Variants in BCR observed in about 807,000 individuals in gnomAD.
The protein encoded by BCR is BCR activator of RhoGEF and GTPase.
A neutral mutation model predicts 138.6 loss-of-function variants in BCR; 58 were observed. The observed-to-expected ratio is 0.42, with a 90% confidence interval of 0.34 to 0.52. The LOEUF (loss-of-function observed/expected upper bound fraction) is 0.52. Among genes scored for constraint, BCR ranks in the 20% least tolerant of loss-of-function variants. The probability of loss-of-function intolerance (pLI) is 0.06; values close to 1 mark genes in which losing one functional copy is unlikely to be tolerated. For synonymous variants in BCR, 786 were observed against 730.1 expected, an observed-to-expected ratio of 1.08 and a Z score of -1.23; for missense variants, 1,599 against 1,727.2, an observed-to-expected ratio of 0.93 and a Z score of 1.32.
Position 23,261,362 on chromosome 22 carries a change from A to G in BCR, c.1574A>G (p.Lys525Arg). Reference protein sequence around the residue: ...SHLEALLLPMKPLKAAATTSQ... With the variant: ...SHLEALLLPMRPLKAAATTSQ... ...ACTTGTGCCCTCTTCCAGCCCATGA[A>G]GCCTTTGAAAGCCGCTGCCACCACC... The change falls in exon 4 of 23, where the codon AAG becomes AGG. Residue 525 changes from lysine (K) to arginine (R), a missense_variant. Physicochemically the swap from Lys to Arg is conservative, Grantham distance 26. Transcript: ENST00000305877. 1.9e-6 allele frequency: 3 copies of G among 1,612,104 alleles called. No individual in the cohort carries two copies. The highest frequency in any genetic ancestry group is 2.5e-6 in the Non-Finnish European group (3 of 1,179,088).
intron 13 of BCR, 70 bp downstream of exon 13, chr22:23,289,691 C>G (rs750520313): frequency 7.5e-7 from 1 of 1,338,092 alleles, no homozygotes; most frequent in East Asian, 2.3e-5. Context: ...AGGCTGATCC[C>G]CCCTTCCTGT....
Position 23,183,625 on chromosome 22 carries a change from G to T in BCR, c.1279+1386G>T, listed in dbSNP as rs75320399. Among the ~76,000 whole-genome samples the T allele has an allele frequency of 1.8e-4, 27 of 152,354 alleles. No homozygotes were observed. The East Asian group carries it at 4.4e-3, about 25-fold the overall frequency. On this transcript the variant is annotated intron_variant, in intron 1 of 22. Transcript: ENST00000305877. ...CAGCTCGTTCGGGGTCTGGAGGATTGCCTTGTGGTTACTGGGCACCAGCCT... is the reference window on the plus strand; with the variant it reads ...CAGCTCGTTCGGGGTCTGGAGGATTTCCTTGTGGTTACTGGGCACCAGCCT...
intron 1 of BCR, among the ~76,000 whole-genome samples, chr22:23,202,384 A>G (rs994266344): frequency 3.9e-5 from 6 of 152,200 alleles, no homozygotes; most frequent in Admixed American, 6.5e-5. Context: ...AAAATTTACC[A>G]TTTTTAGCCG....
chr22:23,181,662 C>A lies in BCR; in HGVS notation c.702C>A (p.Arg234=). 1 of 1,607,936 alleles carries A rather than the reference C, an allele frequency of 6.2e-7. No individual in the cohort carries two copies. Among genetic ancestry groups the A allele is most frequent in the Non-Finnish European group, 8.5e-7 (1 of 1,179,844 alleles). Residue 234 remains arginine (R), a synonymous_variant, in exon 1 of 23, where the codon CGC becomes CGA. Coordinates refer to ENST00000305877, the MANE Select transcript of BCR (RefSeq NM_004327.4). ...GDASRPPYRG[R]SSESSCGVDG... is the part of the protein sequence containing the mutation. The stretch of plus-strand genomic sequence containing the variant: ...CATCCAGGCCCCCTTACCGGGGACG[C>A]TCCTCGGAGAGCAGCTGCGGCGTCG...
chr22:23,214,991 C>T (rs1054256368), intron 1 of BCR, among the ~76,000 whole-genome samples: 1 of 152,186 alleles, frequency 6.6e-6, no homozygotes, highest in African/African-American at 2.4e-5. Flanking sequence ...CAACTCTCTA[C>T]TCCCTCCTCC....
At chr22:23,199,110 G>A (rs2072516746) in intron 1 of BCR, 2 of 311,322 alleles carry the variant, frequency 6.4e-6, no homozygotes, top group East Asian at 9.8e-5. Flanking sequence ...CGACAAGAAC[G>A]AAACTCCGTC....
intron 4 of BCR, chr22:23,262,753 G>GGAAGGGAGGGTGACGAGGGGGAAGC (rs2073379772): frequency 1.1e-6 from 1 of 918,942 alleles, no homozygotes; most frequent in Non-Finnish European, 1.3e-6. Flanking sequence ...AGAAGCTGCA[G>GGAAGGGAGGGTGACGAGGGGGAAGC]GAAGGGAGGG....
intron 16 of BCR, among the ~76,000 whole-genome samples, chr22:23,298,786 C>T (rs375186656): frequency 3.3e-4 from 50 of 152,056 alleles, no homozygotes; most frequent in African/African-American, 1.1e-3. Flanking sequence ...TTAGTAGAGA[C>T]GGGGTTTCAC....
intron 16 of BCR, among the ~76,000 whole-genome samples, chr22:23,297,237 T>TTTA (rs2073856831): frequency 7.3e-6 from 1 of 137,712 alleles, no homozygotes; most frequent in Non-Finnish European, 1.5e-5. Flanking sequence ...TTTTTTTTTT[T>TTTA]CGAGACAGAG....
At chr22:23,212,553 G>C (rs2072698013) in intron 1 of BCR, among the ~76,000 whole-genome samples, 2 of 152,250 alleles carry the variant, frequency 1.3e-5, no homozygotes, top group South Asian at 4.1e-4. Flanking sequence ...ACTGGGCTCT[G>C]TGGGGCCTGG....
rs1253443926 is a variant in BCR, at chr22:23,311,855, A to G, written c.3322+19A>G. The G allele has an allele frequency of 6.2e-7, 1 of 1,611,232 alleles. No homozygotes were observed. On this transcript the variant is annotated intron_variant, in intron 19 of 22. Transcript: ENST00000305877. ...GACGTCAGTGAGTGTTGGCCTGCGC[A>G]GGACGGGATGGAGGTGTGGGCAATG...
At chr22:23,255,288 GCA>G (rs1393672527) in intron 2 of BCR, among the ~76,000 whole-genome samples, 1 of 152,200 alleles carries the variant, frequency 6.6e-6, no homozygotes, top group Non-Finnish European at 1.5e-5. Flanking sequence ...GCTCCGTGCA[GCA>G]CACACAGGCT....
At position 23,181,051 on chromosome 22, in the gene BCR, A is replaced by G. The variant is rs1271305252; in HGVS notation, c.91A>G (p.Ile31Val). Residue 31 changes from isoleucine to valine, a missense_variant, in exon 1 of 23, where the codon ATC (isoleucine) becomes GTC (valine). Ile to Val is a conservative substitution (Grantham distance 29, BLOSUM62 3). This residue lies in a region of BCR where 806 missense variants were observed against 635.0 expected (regional missense o/e 1.27). Coordinates refer to ENST00000305877, the MANE Select transcript of BCR (RefSeq NM_004327.4). ...CATGGAGCTGCGCTCAGTGGGCGAC[A>G]TCGAGCAGGAGCTGGAGCGCTGCAA... is the stretch of plus-strand genomic sequence containing the variant. The part of the protein sequence containing the change: ...PRMELRSVGD[I>V]EQELERCKAS... The G allele has an allele frequency of 4.6e-6, 7 of 1,521,076 alleles. No homozygotes were observed. The highest frequency in any genetic ancestry group is 1.4e-5 in the African/African-American group (1 of 70,718). The allele number at this position is 1,521,076 out of a possible 1,614,324, so 94.2% of individuals were successfully genotyped here.
At chr22:23,240,101 G>A (rs573638640) in intron 1 of BCR, among the ~76,000 whole-genome samples, 33 of 151,914 alleles carry the variant, frequency 2.2e-4, no homozygotes, top group Admixed American at 6.5e-4. Flanking sequence ...GAGCCACCAC[G>A]CCAGGCCACC....
chr22:23,248,556 T>C (rs568286231), intron 1 of BCR, among the ~76,000 whole-genome samples: 1 of 152,300 alleles, frequency 6.6e-6, no homozygotes, highest in South Asian at 2.1e-4. Context: ...ATTTTTTGGC[T>C]GCCCTTTTTC....
At chr22:23,182,705 G>A (rs866272591) in intron 1 of BCR, among the ~76,000 whole-genome samples, 7 of 152,228 alleles carry the variant, frequency 4.6e-5, no homozygotes, top group African/African-American at 1.7e-4. Context: ...CTGTTCTGGA[G>A]GGGTTATATG....
intron 8 of BCR, among the ~76,000 whole-genome samples, chr22:23,281,754 G>A (rs562155471): frequency 7.2e-5 from 11 of 152,294 alleles, no homozygotes; most frequent in East Asian, 5.8e-4. Flanking sequence ...CGAGCCTCCC[G>A]GGCCTGCAGC....
At chr22:23,218,760 G>A (rs1002041636) in intron 1 of BCR, among the ~76,000 whole-genome samples, 3 of 152,350 alleles carry the variant, frequency 2.0e-5, no homozygotes, top group African/African-American at 4.8e-5. Flanking sequence ...CCTGCCCTCC[G>A]ATGCTGGTGG....
chr22:23,234,340 T>C (rs895808146), intron 1 of BCR, among the ~76,000 whole-genome samples: 6 of 152,202 alleles, frequency 3.9e-5, no homozygotes, highest in Admixed American at 6.5e-5. Flanking sequence ...ATCTGGGCCC[T>C]GGGGTGGCCC....
Sources: gnomAD v4.1 joint callset for allele counts (sites outside exome capture counted in the v4.1 genomes callset) on GRCh38, gnomAD v4.1.1 for gene constraint, gnomAD v4.1.1 regional missense constraint, MANE v1.5 for transcripts, NCBI Gene and HGNC (gene_info 2026-07-23, HGNC 2026-07-21) for gene names.